The following VAT1L variants were observed in gnomAD, a reference collection of about 807,000 sequenced individuals.
VAT1L encodes putative NADPH-dependent quinone oxidoreductase VAT1L.
A neutral mutation model predicts 44.1 loss-of-function variants in VAT1L; 34 were observed. That is an observed-to-expected ratio of 0.77 (90% CI 0.59 to 1.03). The LOEUF (loss-of-function observed/expected upper bound fraction) is 1.03. Among genes scored for constraint, VAT1L ranks in the 50% least tolerant of loss-of-function variants. The pLI, the probability that VAT1L is intolerant of heterozygous loss-of-function variation, is 0.00. For missense variants in VAT1L, 615 were observed against 538.8 expected (o/e 1.14, Z -1.40); for synonymous variants, 253 against 202.2 (o/e 1.25, Z -2.13).
intron 3 of VAT1L, among the ~76,000 whole-genome samples, chr16:77,850,181 T>C (rs145395360): frequency 6.6e-6 from 1 of 152,126 alleles, no homozygotes; most frequent in Non-Finnish European, 1.5e-5. Flanking sequence ...GGTACAGGCA[T>C]TGTAGGAGAT....
At chr16:77,920,497 ATTATAC>A (rs942752431) in intron 7 of VAT1L, among the ~76,000 whole-genome samples, 29 of 152,274 alleles carry the variant, frequency 1.9e-4, no homozygotes, top group African/African-American at 6.3e-4. Flanking sequence ...CACCCCCTGA[ATTATAC>A]TTAGAAGACT....
At chr16:77,824,663 G>A (rs1340391638) in intron 2 of VAT1L, among the ~76,000 whole-genome samples, 3 of 150,674 alleles carry the variant, frequency 2.0e-5, no homozygotes, top group Non-Finnish European at 4.4e-5. Context: ...GGCTGAGGCA[G>A]GAGAATAGCG....
intron 7 of VAT1L, among the ~76,000 whole-genome samples, chr16:77,943,792 C>A (rs1196052119): frequency 6.6e-6 from 1 of 152,154 alleles, no homozygotes; most frequent in African/African-American, 2.4e-5. Context: ...TTTCTAGGAG[C>A]ACAAGAGCAT....
intron 7 of VAT1L, among the ~76,000 whole-genome samples, chr16:77,962,997 T>C (rs2018180437): frequency 6.6e-6 from 1 of 152,130 alleles, no homozygotes; most frequent in South Asian, 2.1e-4. Context: ...GAGGAGGACA[T>C]AGACAGCTTT....
At chr16:77,897,195 C>T (rs1219365712) in intron 7 of VAT1L, among the ~76,000 whole-genome samples, 3 of 152,208 alleles carry the variant, frequency 2.0e-5, no homozygotes, top group South Asian at 2.1e-4. Flanking sequence ...TAAAAGGTCA[C>T]ATCCTGGCAG....
chr16:77,923,968 A>G (rs1019757279), intron 7 of VAT1L, among the ~76,000 whole-genome samples: 1 of 137,694 alleles, frequency 7.3e-6, no homozygotes, highest in Admixed American at 7.3e-5. Flanking sequence ...CCCTTCCCCC[A>G]GTAAAGATGA....
chr16:77,954,574 A>G (rs1340955453), intron 7 of VAT1L, among the ~76,000 whole-genome samples: 1 of 152,162 alleles, frequency 6.6e-6, no homozygotes, highest in Non-Finnish European at 1.5e-5. Context: ...GCAATGAGCC[A>G]AGATCGTGCC....
chr16:77,974,149 T>G (rs2018310162), intron 8 of VAT1L, among the ~76,000 whole-genome samples: 1 of 152,176 alleles, frequency 6.6e-6, no homozygotes, highest in African/African-American at 2.4e-5. Context: ...TGATACAACA[T>G]GGATATAACT....
chr16:77,942,213 A>T (rs1362180991), intron 7 of VAT1L, among the ~76,000 whole-genome samples: 2 of 152,204 alleles, frequency 1.3e-5, no homozygotes, highest in Admixed American at 1.3e-4. Context: ...CATGTCTTAC[A>T]TGGTGGCAGG....
chr16:77,900,253 A>G (rs186147568), intron 7 of VAT1L, among the ~76,000 whole-genome samples: 1 of 152,180 alleles, frequency 6.6e-6, no homozygotes, highest in Non-Finnish European at 1.5e-5. Context: ...CGGAGATCAT[A>G]TGAGTATTTG....
chr16:77,795,643 C>T (rs1320396043), intron 1 of VAT1L, among the ~76,000 whole-genome samples: 1 of 152,014 alleles, frequency 6.6e-6, no homozygotes, highest in African/African-American at 2.4e-5. Context: ...TCATTCATTC[C>T]ACCAAGTTGG....
intron 7 of VAT1L, among the ~76,000 whole-genome samples, chr16:77,934,996 T>C (rs1021786606): frequency 6.6e-6 from 1 of 152,052 alleles, no homozygotes; most frequent in Non-Finnish European, 1.5e-5. Flanking sequence ...TCTTTGAGTA[T>C]AGGGGGGATA....
At chr16:77,885,234 A>G (rs879836304) in intron 7 of VAT1L, among the ~76,000 whole-genome samples, 9 of 152,242 alleles carry the variant, frequency 5.9e-5, no homozygotes, top group African/African-American at 2.2e-4. Flanking sequence ...GACATTAGCT[A>G]TCACGATGGA....
chr16:77,844,522 C>G (rs113794506), intron 3 of VAT1L, among the ~76,000 whole-genome samples: 1,709 of 152,250 alleles, frequency 0.011, 36 homozygotes, highest in South Asian at 0.035. Context: ...GATTCTCCCC[C>G]CTTAGCCTCC....
At chr16:77,952,264 G>GAA (rs1431287626) in intron 7 of VAT1L, among the ~76,000 whole-genome samples, 1 of 152,194 alleles carries the variant, frequency 6.6e-6, no homozygotes, top group Non-Finnish European at 1.5e-5. Flanking sequence ...CAGTCAGGAA[G>GAA]AAACCTGTTG....
At chr16:77,794,723 G>T (rs1411279584) in intron 1 of VAT1L, among the ~76,000 whole-genome samples, 1 of 152,200 alleles carries the variant, frequency 6.6e-6, no homozygotes, top group East Asian at 1.9e-4. Flanking sequence ...CTGACATGGA[G>T]ATTGGAATAA....
intron 7 of VAT1L, among the ~76,000 whole-genome samples, chr16:77,885,732 A>T (rs1419846452): frequency 6.6e-6 from 1 of 152,194 alleles, no homozygotes; most frequent in Non-Finnish European, 1.5e-5. Context: ...CTTTTTAAAA[A>T]AATAACAAGT....
chr16:77,838,927 C>T (rs1306049353), intron 3 of VAT1L, among the ~76,000 whole-genome samples: 1 of 151,984 alleles, frequency 6.6e-6, no homozygotes, highest in Non-Finnish European at 1.5e-5. Flanking sequence ...CAAGTACAAG[C>T]CCTGGGGGTA....
chr16:77,967,823 A>G (rs991693953), intron 7 of VAT1L, among the ~76,000 whole-genome samples: 1 of 152,184 alleles, frequency 6.6e-6, no homozygotes, highest in African/African-American at 2.4e-5. Context: ...AAATAACTGA[A>G]TGCTGGAGAT....
Sources: gnomAD v4.1 joint callset for allele counts (sites outside exome capture counted in the v4.1 genomes callset) on GRCh38, gnomAD v4.1.1 for gene constraint, MANE v1.5 for transcripts, NCBI Gene and HGNC (gene_info 2026-07-23, HGNC 2026-07-21) for gene names.